FMNL2: variants seen among roughly 807,000 people sequenced by gnomAD.
FMNL2 encodes formin-like protein 2.
Under a neutral mutation model 130.2 loss-of-function variants are expected in FMNL2, and 51 were observed. The observed-to-expected ratio is 0.39, with a 90% CI of 0.31 to 0.49. The LOEUF is 0.49. FMNL2 is among the 20% of genes least tolerant of loss of function. The pLI, the probability that FMNL2 is intolerant of heterozygous loss-of-function variation, is 0.85. For synonymous variants in FMNL2, 465 were observed against 467.1 expected, an observed-to-expected ratio of 1.00 and a Z score of 0.06; for missense variants, 977 against 1,316.2, an observed-to-expected ratio of 0.74 and a Z score of 3.99.
chr2:152,485,592 G>C (rs1333513519), intron 1 of FMNL2, among the ~76,000 whole-genome samples: 1 of 152,220 alleles, frequency 6.6e-6, no homozygotes, highest in Non-Finnish European at 1.5e-5. Context: ...CTGGTTTTGT[G>C]TGTGTGTGTG....
intron 9 of FMNL2, among the ~76,000 whole-genome samples, chr2:152,597,230 C>G (rs1445101534): frequency 6.6e-6 from 1 of 152,154 alleles, no homozygotes; most frequent in Non-Finnish European, 1.5e-5. Flanking sequence ...CAGCTGTTAT[C>G]TTTAAATTAA....
At chr2:152,543,824 C>T (rs1219217311) in intron 3 of FMNL2, among the ~76,000 whole-genome samples, 4 of 137,994 alleles carry the variant, frequency 2.9e-5, no homozygotes, top group Non-Finnish European at 4.6e-5. Context: ...AATATGTAGA[C>T]AAGGGGAAAT....
intron 9 of FMNL2, among the ~76,000 whole-genome samples, chr2:152,597,848 G>A (rs1039134559): frequency 9.2e-5 from 14 of 152,196 alleles, no homozygotes; most frequent in East Asian, 3.8e-4. Context: ...TTGGCTAAGC[G>A]CAAAATCCTT....
intron 9 of FMNL2, among the ~76,000 whole-genome samples, chr2:152,589,969 A>ATG (rs1222502469): frequency 0.017 from 509 of 30,420 alleles, 15 homozygotes; most frequent in African/African-American, 0.042. Context: ...ATATATATAT[A>ATG]TATATATATA....
chr2:152,566,707 TATGTTTGTGTGTACAC>T (rs1695859156), intron 6 of FMNL2, among the ~76,000 whole-genome samples: 1 of 152,228 alleles, frequency 6.6e-6, no homozygotes, highest in South Asian at 2.1e-4. Flanking sequence ...TAAGTATATA[TATGTTTGTGTGTACAC>T]ATGTTTGTGT....
chr2:152,432,581 T>C (rs1687555162), intron 1 of FMNL2, among the ~76,000 whole-genome samples: 1 of 152,180 alleles, frequency 6.6e-6, no homozygotes, highest in South Asian at 2.1e-4. Flanking sequence ...ATTTGTACCT[T>C]GTGTGACCTT....
chr2:152,462,018 C>T (rs767403860), intron 1 of FMNL2, among the ~76,000 whole-genome samples: 14 of 152,208 alleles, frequency 9.2e-5, no homozygotes, highest in Non-Finnish European at 1.8e-4. Flanking sequence ...ACCTCAGTCT[C>T]CCAAGTAACT....
chr2:152,535,480 A>G (rs1693947986), intron 2 of FMNL2, among the ~76,000 whole-genome samples: 1 of 152,140 alleles, frequency 6.6e-6, no homozygotes. Context: ...TATTACAACT[A>G]TGTCTGTTGC....
rs58237890 is a variant in FMNL2, at chr2:152,607,006, G to GTTTTTTTTTTTTTTTTTTT, written c.877-315_877-314insTTTTTTTTTTTTTTTTTTT. Reference sequence around the variant, plus strand: ...GAAGCTATGGTCGTTTTTTTTTTTTGTTTTTTTTTTTTTTTTTTACCATGA... The same window carrying GTTTTTTTTTTTTTTTTTTT: ...GAAGCTATGGTCGTTTTTTTTTTTTGTTTTTTTTTTTTTTTTTTTTTTTTTTTTTTTTTTTTTACCATGA... On this transcript the variant is annotated intron_variant, in intron 9 of 25. Transcript: ENST00000288670. Among the ~76,000 whole-genome samples the GTTTTTTTTTTTTTTTTTTT allele has an allele frequency of 3.5e-5, 3 of 84,848 alleles. No homozygotes were observed. In the South Asian group the frequency reaches 1.3e-3, roughly 37 times the overall value. 55.7% of individuals were successfully genotyped at this position (84,848 alleles called of 152,430 possible).
intron 2 of FMNL2, among the ~76,000 whole-genome samples, chr2:152,534,618 CCTAATGTT>C (rs1357263098): frequency 6.7e-6 from 1 of 149,020 alleles, no homozygotes; most frequent in East Asian, 1.9e-4. Flanking sequence ...TCTCCCAACC[CCTAATGTT>C]TTATTTGTAT....
intron 1 of FMNL2, among the ~76,000 whole-genome samples, chr2:152,348,165 T>C (rs538159272): frequency 3.7e-4 from 56 of 152,330 alleles, no homozygotes; most frequent in South Asian, 1.9e-3. Context: ...CTTACTTTGA[T>C]CGCTTTGTGG....
At chr2:152,369,309 T>G (rs928020600) in intron 1 of FMNL2, among the ~76,000 whole-genome samples, 1 of 152,230 alleles carries the variant, frequency 6.6e-6, no homozygotes, top group Non-Finnish European at 1.5e-5. Flanking sequence ...AGCATTACCT[T>G]GCTGGGTTGT....
intron 11 of FMNL2, among the ~76,000 whole-genome samples, chr2:152,613,748 G>A (rs1482778464): frequency 6.6e-6 from 1 of 152,196 alleles, no homozygotes; most frequent in Non-Finnish European, 1.5e-5. Context: ...AGCCTTGTAA[G>A]TAGCCATTGA....
At chr2:152,532,504 T>G (rs1470483994) in intron 2 of FMNL2, among the ~76,000 whole-genome samples, 1 of 152,210 alleles carries the variant, frequency 6.6e-6, no homozygotes, top group Non-Finnish European at 1.5e-5. Flanking sequence ...ATTTCCCTAA[T>G]GACTAATGAT....
chr2:152,617,040 C>T, intron 12 of FMNL2, 51 bp from the exon 13 acceptor site: 3 of 1,514,748 alleles, frequency 2.0e-6, no homozygotes, highest in Non-Finnish European at 2.7e-6. Flanking sequence ...GAACTGAGGG[C>T]TGATCAAGAT....
chr2:152,646,300 A>G (rs727601), intron 25 of FMNL2, among the ~76,000 whole-genome samples: 75,418 of 151,854 alleles, frequency 0.5, 20,945 homozygotes, highest in East Asian at 0.72. Flanking sequence ...ACTACACTCG[A>G]GCCTCAGTGA....
chr2:152,644,929 A>T (rs975845932), intron 25 of FMNL2, among the ~76,000 whole-genome samples: 2 of 152,220 alleles, frequency 1.3e-5, no homozygotes, highest in Non-Finnish European at 2.9e-5. Flanking sequence ...AGTTGATTAG[A>T]AAAGAGACAA....
At chr2:152,363,217 C>T (rs751893434) in intron 1 of FMNL2, among the ~76,000 whole-genome samples, 4 of 152,096 alleles carry the variant, frequency 2.6e-5, no homozygotes, top group Non-Finnish European at 5.9e-5. Context: ...TGTTGTCCCC[C>T]CAAAACAAAA....
At chr2:152,581,154 T>A in intron 9 of FMNL2, 105 bp downstream of exon 9, 1 of 915,352 alleles carries the variant, frequency 1.1e-6, no homozygotes, top group Non-Finnish European at 1.6e-6. Context: ...CTAAGGAATA[T>A]AATAGTTAAT....
Sources: allele counts gnomAD v4.1 joint callset (sites outside exome capture counted in the v4.1 genomes callset), GRCh38; gene constraint gnomAD v4.1.1; transcripts MANE v1.5; gene names NCBI Gene and HGNC (gene_info 2026-07-23, HGNC 2026-07-21).